ASAP1: variants seen among roughly 807,000 people sequenced by gnomAD.
ASAP1 encodes ArfGAP with SH3 domain, ankyrin repeat and PH domain 1, also known as arf-GAP with SH3 domain, ANK repeat and PH domain-containing protein 1.
Under a neutral mutation model 145.2 loss-of-function variants are expected in ASAP1, and 43 were observed. That is an observed-to-expected ratio of 0.30 (90% CI 0.23 to 0.38). The LOEUF (loss-of-function observed/expected upper bound fraction) is 0.38, where lower values mean the gene tolerates loss of function less well. ASAP1 is among the 10% of genes least tolerant of loss of function. The probability of loss-of-function intolerance (pLI) is 1.00; values close to 1 mark genes in which losing one functional copy is unlikely to be tolerated. For missense variants in ASAP1, 1,018 were observed against 1,355.3 expected (o/e 0.75, Z 3.91); for synonymous variants, 546 against 515.5 (o/e 1.06, Z -0.80).
At chr8:130,304,359 T>C (rs889268132) in intron 3 of ASAP1, among the ~76,000 whole-genome samples, 1 of 152,192 alleles carries the variant, frequency 6.6e-6, no homozygotes, top group African/African-American at 2.4e-5. Context: ...TTTGAAAGTC[T>C]GACACATTCA....
intron 3 of ASAP1, among the ~76,000 whole-genome samples, chr8:130,269,977 C>A (rs1205084249): frequency 6.6e-6 from 1 of 152,126 alleles, no homozygotes; most frequent in Non-Finnish European, 1.5e-5. Context: ...CAAGACCAGC[C>A]TGGCTAACAT....
chr8:130,408,215 G>C (rs1362696879), intron 1 of ASAP1, among the ~76,000 whole-genome samples: 1 of 152,192 alleles, frequency 6.6e-6, no homozygotes, highest in Admixed American at 6.5e-5. Context: ...CTGGGCTAAA[G>C]GATGCCCAGA....
chr8:130,113,128 C>T (rs2097549392), intron 23 of ASAP1, among the ~76,000 whole-genome samples: 1 of 152,172 alleles, frequency 6.6e-6, no homozygotes, highest in African/African-American at 2.4e-5. Context: ...GACAATAAAC[C>T]TCTGTGGGCT....
chr8:130,160,599 AG>A (rs1461233583), intron 11 of ASAP1, among the ~76,000 whole-genome samples: 2 of 152,220 alleles, frequency 1.3e-5, no homozygotes, highest in Non-Finnish European at 2.9e-5. Context: ...GATGTAAAAA[AG>A]GTTGATTTAT....
intron 3 of ASAP1, among the ~76,000 whole-genome samples, chr8:130,324,569 C>A (rs1395726134): frequency 1.3e-5 from 2 of 152,128 alleles, no homozygotes; most frequent in African/African-American, 4.8e-5. Context: ...CAAGAACTGA[C>A]AATACATGCA....
At chr8:130,371,211 TCTC>T (rs1355025278) in intron 2 of ASAP1, among the ~76,000 whole-genome samples, 2 of 152,168 alleles carry the variant, frequency 1.3e-5, no homozygotes, top group African/African-American at 4.8e-5. Flanking sequence ...TAGCTATTAT[TCTC>T]CTCATGTTTA....
Position 130,127,932 on chromosome 8 carries a change from G to A in ASAP1, c.1376C>T (p.Ser459Leu). ...TCAAATATGGGGACAAAAACCTGAT[G>A]AGCCACAATCGCAGCAAATGTCATT... is the stretch of plus-strand genomic sequence containing the variant. Reference protein sequence around the residue: ...PGNDICCDCGSSEPTWLSTNL... With the variant: ...PGNDICCDCGLSEPTWLSTNL... The change falls in exon 16 of 30, where the codon TCA becomes TTA. Residue 459 changes from serine (S) to leucine (L), a missense_variant. Ser to Leu is a moderately radical substitution (Grantham distance 145, BLOSUM62 -2). Coordinates refer to ENST00000518721, the MANE Select transcript of ASAP1 (RefSeq NM_018482.4). 2 of 1,611,692 alleles carry A rather than the reference G, an allele frequency of 1.2e-6. No individual in the cohort carries two copies. Among genetic ancestry groups the A allele is most frequent in the Middle Eastern group, 1.7e-4 (1 of 6,032 alleles).
chr8:130,110,406 C>A (rs536140339), intron 24 of ASAP1, among the ~76,000 whole-genome samples: 2 of 152,308 alleles, frequency 1.3e-5, no homozygotes, highest in Admixed American at 1.3e-4. Flanking sequence ...TGTATTCAGT[C>A]TGGAGGCTTC....
intron 1 of ASAP1, among the ~76,000 whole-genome samples, chr8:130,428,013 C>G (rs1185808982): frequency 6.6e-6 from 1 of 152,194 alleles, no homozygotes; most frequent in South Asian, 2.1e-4. Context: ...ACATCAACCT[C>G]TTCTCCAATC....
chr8:130,155,297 C>T (rs1422475473), intron 12 of ASAP1, among the ~76,000 whole-genome samples: 1 of 152,200 alleles, frequency 6.6e-6, no homozygotes, highest in Non-Finnish European at 1.5e-5. Context: ...GACTGAGGCA[C>T]TTTCAGATCG....
At chr8:130,119,626 C>T (rs1470464784) in intron 18 of ASAP1, among the ~76,000 whole-genome samples, 2 of 152,088 alleles carry the variant, frequency 1.3e-5, no homozygotes, top group African/African-American at 2.4e-5. Flanking sequence ...GAGCTAGGGT[C>T]CACGTGATGC....
chr8:130,382,298 A>T (rs1289635917), intron 2 of ASAP1, among the ~76,000 whole-genome samples: 4 of 151,538 alleles, frequency 2.6e-5, no homozygotes, highest in Non-Finnish European at 5.9e-5. Flanking sequence ...AAAAAAAAAA[A>T]AAAAAAAAAA....
At chr8:130,417,846 T>A (rs1829552632) in intron 1 of ASAP1, among the ~76,000 whole-genome samples, 1 of 152,188 alleles carries the variant, frequency 6.6e-6, no homozygotes, top group Non-Finnish European at 1.5e-5. Context: ...CAGACACAAT[T>A]CAGCAATCCC....
intron 1 of ASAP1, among the ~76,000 whole-genome samples, chr8:130,428,526 GCAC>G (rs1438302820): frequency 4.4e-5 from 1 of 22,672 alleles, no homozygotes; most frequent in Non-Finnish European, 9.6e-5. Flanking sequence ...AGTGGCAGCA[GCAC>G]CACTATCATC....
At chr8:130,146,412 T>TCTAAATTTGTGAGCC (rs1416719673) in intron 13 of ASAP1, among the ~76,000 whole-genome samples, 1 of 152,312 alleles carries the variant, frequency 6.6e-6, no homozygotes, top group South Asian at 2.1e-4. Flanking sequence ...ATTTGTGAGC[T>TCTAAATTTGTGAGCC]CTAAATTTGT....
intron 27 of ASAP1, among the ~76,000 whole-genome samples, chr8:130,070,254 G>A (rs2097440064): frequency 1.3e-5 from 2 of 152,096 alleles, no homozygotes; most frequent in Admixed American, 1.3e-4. Flanking sequence ...AGCCAGGATG[G>A]TCTCCATCTC....
At chr8:130,133,773 T>A (rs1008079616) in intron 15 of ASAP1, among the ~76,000 whole-genome samples, 1 of 152,092 alleles carries the variant, frequency 6.6e-6, no homozygotes, top group Admixed American at 6.5e-5. Flanking sequence ...TTTTATTGAC[T>A]CTGTTCACCC....
At chr8:130,436,010 G>A (rs1830299267) in intron 1 of ASAP1, among the ~76,000 whole-genome samples, 1 of 152,188 alleles carries the variant, frequency 6.6e-6, no homozygotes, top group African/African-American at 2.4e-5. Flanking sequence ...CCTGGGGCAT[G>A]AGCCACTAAG....
chr8:130,351,576 G>C (rs115583146), intron 3 of ASAP1, among the ~76,000 whole-genome samples: 4 of 152,124 alleles, frequency 2.6e-5, no homozygotes, highest in Non-Finnish European at 5.9e-5. Context: ...GGATGCCTCA[G>C]GGAGTGTTTA....
Sources: gnomAD v4.1 joint callset for allele counts (sites outside exome capture counted in the v4.1 genomes callset) on GRCh38, gnomAD v4.1.1 for gene constraint, MANE v1.5 for transcripts, NCBI Gene and HGNC (gene_info 2026-07-23, HGNC 2026-07-21) for gene names.